IL1RAPL2: variants seen among roughly 807,000 people sequenced by gnomAD.
IL1RAPL2 encodes the protein interleukin 1 receptor accessory protein like 2.
IL1RAPL2 carries 3 observed loss-of-function variants against 44.1 expected under a neutral mutation model. The observed-to-expected ratio is 0.07, with a 90% CI of 0.03 to 0.18. The LOEUF (loss-of-function observed/expected upper bound fraction) is 0.18, where lower values mean the gene tolerates loss of function less well. Ranked by LOEUF, IL1RAPL2 falls within the 10% of genes least tolerant of loss-of-function variation. The pLI is 1.00. For missense variants in IL1RAPL2, 391 were observed against 496.4 expected, an observed-to-expected ratio of 0.79 and a Z score of 2.02; for synonymous variants, 181 against 178.8, an observed-to-expected ratio of 1.01 and a Z score of -0.10.
At chrX:105,221,290 C>T (rs5916731) in intron 3 of IL1RAPL2, among the ~76,000 whole-genome samples, 54,189 of 109,241 alleles carry the variant, frequency 0.5, 11,750 homozygotes, top group East Asian at 0.76. Context: ...TCTAGATTCA[C>T]ATTTCATACA....
chrX:105,302,012 C>T (rs2034701327), intron 5 of IL1RAPL2, among the ~76,000 whole-genome samples: 1 of 111,934 alleles, frequency 8.9e-6, no homozygotes, highest in Non-Finnish European at 1.9e-5. Context: ...TCTCCACATC[C>T]TTGCCAGCAT....
At chrX:105,546,825 T>C (rs1445614062) in intron 6 of IL1RAPL2, among the ~76,000 whole-genome samples, 1 of 112,458 alleles carries the variant, frequency 8.9e-6, no homozygotes, top group Non-Finnish European at 1.9e-5. Context: ...CCCAATATAA[T>C]GAGCAGGATT....
At chrX:104,603,780 AG>A (rs1928937673) in intron 1 of IL1RAPL2, among the ~76,000 whole-genome samples, 1 of 112,272 alleles carries the variant, frequency 8.9e-6, no homozygotes, top group African/African-American at 3.2e-5. Context: ...GAATGAGCAA[AG>A]CATCCAAATA....
rs199626060 is a variant in IL1RAPL2 at position 105,311,613 on chromosome X, C to CAG, written c.697+44073_697+44074insGA. Among the ~76,000 whole-genome samples the CAG allele has an allele frequency of 3.4e-5, 3 of 89,457 alleles. No individual in the cohort carries two copies. The East Asian group carries it at 9.4e-4, about 28-fold the overall frequency. The allele number at this position is 89,457 out of a possible 115,157, so 77.7% of individuals were successfully genotyped here. On this transcript the variant is annotated intron_variant, in intron 5 of 10. Transcript: ENST00000372582. ...CTTTGTGGATGATTATACATACATA[C>CAG]ACACACACACACACACACACACACA...
chrX:104,637,518 T>TG (rs1165200670), intron 1 of IL1RAPL2, among the ~76,000 whole-genome samples: 1 of 111,065 alleles, frequency 9.0e-6, no homozygotes, highest in African/African-American at 3.3e-5. Flanking sequence ...AGAGTTTTTT[T>TG]TTTTTATCAT....
At chrX:105,737,891 C>T (rs1023955907) in intron 7 of IL1RAPL2, among the ~76,000 whole-genome samples, 9 of 111,874 alleles carry the variant, frequency 8.0e-5, no homozygotes, top group Non-Finnish European at 1.5e-4. Flanking sequence ...AAAAGAGAAA[C>T]TACAACTTTA....
rs1299168006 is a variant in IL1RAPL2 at position 105,678,731 on chromosome X, C to CTT, written c.773-38635_773-38634dup. 3.6e-5 allele frequency among the ~76,000 whole-genome samples: 4 copies of CTT among 111,159 alleles called. No individual in the cohort carries two copies. In the East Asian group the frequency reaches 1.1e-3, roughly 32 times the overall value. The stretch of plus-strand genomic sequence containing the variant: ...AGTTTAAGATCAAAAGTCTCTGATA[C>CTT]TTGAAATTGCAACCCCCACCCAATC... On this transcript the variant is annotated intron_variant, in intron 6 of 10. Transcript: ENST00000372582.
intron 2 of IL1RAPL2, among the ~76,000 whole-genome samples, chrX:104,705,526 A>G (rs1363520430): frequency 9.0e-6 from 1 of 110,950 alleles, no homozygotes; most frequent in Non-Finnish European, 1.9e-5. Context: ...ACTTAAGGTT[A>G]TTTCTGCCCA....
intron 1 of IL1RAPL2, among the ~76,000 whole-genome samples, chrX:104,633,286 A>G (rs1282715211): frequency 9.0e-6 from 1 of 111,528 alleles, no homozygotes; most frequent in African/African-American, 3.3e-5. Flanking sequence ...CATCAGGGAT[A>G]TTGGTCTAAA....
In IL1RAPL2 at chrX:105,763,285, T is replaced by TATC. The variant is rs1374303210; in HGVS notation, c.1364-3677_1364-3675dup. Among the ~76,000 whole-genome samples the TATC allele has an allele frequency of 4.5e-5, 5 of 111,990 alleles. 1 individual carries two copies. The highest frequency in any genetic ancestry group is 1.6e-4 in the African/African-American group (5 of 30,785). On this transcript the variant is annotated intron_variant, in intron 10 of 10. Transcript: ENST00000372582. ...ACAAAAACAGGACATGGGCCTAATG[T>TATC]ATCAGTCTCCAGATCACAGTCATTG... is the stretch of plus-strand genomic sequence containing the variant.
intron 3 of IL1RAPL2, among the ~76,000 whole-genome samples, chrX:105,229,570 C>T (rs1324320367): frequency 1.8e-5 from 2 of 111,995 alleles, no homozygotes; most frequent in Non-Finnish European, 3.8e-5. Flanking sequence ...CACACTTCCT[C>T]CTTCAACTCA....
intron 5 of IL1RAPL2, among the ~76,000 whole-genome samples, chrX:105,268,830 C>T (rs909252421): frequency 9.9e-5 from 11 of 110,584 alleles, no homozygotes; most frequent in African/African-American, 3.6e-4. Flanking sequence ...ATTTTAGGTG[C>T]TCTTACCACA....
chrX:104,888,427 C>T, intron 2 of IL1RAPL2, among the ~76,000 whole-genome samples: 1 of 111,157 alleles, frequency 9.0e-6, no homozygotes, highest in Middle Eastern at 4.6e-3. Flanking sequence ...GACCTTCTTT[C>T]TATCTTCCTT....
chrX:104,904,559 T>G (rs1923924180), intron 2 of IL1RAPL2, among the ~76,000 whole-genome samples: 1 of 105,967 alleles, frequency 9.4e-6, no homozygotes, highest in South Asian at 4.5e-4. Flanking sequence ...GGTGTTTGGT[T>G]TTTTGTTCTT....
intron 3 of IL1RAPL2, among the ~76,000 whole-genome samples, chrX:105,216,671 C>T (rs1556166341): frequency 9.0e-6 from 1 of 110,861 alleles, no homozygotes; most frequent in Non-Finnish European, 1.9e-5. Flanking sequence ...AAGAACAAAA[C>T]TGGAGGCATC....
chrX:105,419,913 T>A (rs1160395992), intron 5 of IL1RAPL2, among the ~76,000 whole-genome samples: 3 of 111,721 alleles, frequency 2.7e-5, no homozygotes, highest in Non-Finnish European at 5.7e-5. Flanking sequence ...CTGCAAAAAA[T>A]TTTTCAGCTT....
intron 2 of IL1RAPL2, among the ~76,000 whole-genome samples, chrX:105,084,905 C>A (rs180785721): frequency 5.7e-4 from 63 of 111,246 alleles, no homozygotes; most frequent in Admixed American, 5.7e-4. Context: ...AGGCAGTGTT[C>A]CCTAGGCTGT....
Position 105,267,539 on chromosome X carries a change from C to T in IL1RAPL2, c.695C>T (p.Thr232Ile). 1 of 1,175,624 alleles carries T rather than the reference C, an allele frequency of 8.5e-7. No homozygotes were observed. Among genetic ancestry groups the T allele is most frequent in the Non-Finnish European group, 1.1e-6 (1 of 875,572 alleles). ...AGACGAACAACTGAATTGAAAGTTA[C>T]AGGTAGGAATCAGTTCTACAAAATT... ...LVRRTTELKVTALLTDKPPKP... is the reference protein window; with the variant it reads ...LVRRTTELKVIALLTDKPPKP... Residue 232 changes from threonine to isoleucine, a missense_variant and splice_region_variant, in exon 5 of 11, where the codon ACA (threonine) becomes ATA (isoleucine). Thr to Ile is a moderately conservative substitution (Grantham distance 89). This residue lies in a region of IL1RAPL2 where 159 missense variants were observed against 251.7 expected (regional missense o/e 0.63). Coordinates refer to ENST00000372582, the MANE Select transcript of IL1RAPL2 (RefSeq NM_017416.2).
chrX:105,278,405 A>T (rs901126072), intron 5 of IL1RAPL2, among the ~76,000 whole-genome samples: 2 of 111,351 alleles, frequency 1.8e-5, no homozygotes, highest in Non-Finnish European at 3.8e-5. Context: ...CCTGAGATCC[A>T]TGGGAGCAGA....
Sources: allele counts gnomAD v4.1 joint callset (sites outside exome capture counted in the v4.1 genomes callset), GRCh38; gene constraint gnomAD v4.1.1; regional missense constraint gnomAD v4.1.1; transcripts MANE v1.5; gene names NCBI Gene and HGNC (gene_info 2026-07-23, HGNC 2026-07-21).